ABHD6: variants seen among roughly 807,000 people sequenced by gnomAD.
ABHD6 encodes the protein abhydrolase domain containing 6, acylglycerol lipase, also known as monoacylglycerol lipase ABHD6.
ABHD6 carries 33 observed loss-of-function variants against 38.8 expected under a neutral mutation model. That is an observed-to-expected ratio of 0.85 (90% confidence interval 0.64 to 1.14). ABHD6 has a LOEUF of 1.14. ABHD6 is among the 50% of genes most tolerant of loss of function. The pLI is 0.00. For missense variants in ABHD6, 380 were observed against 422.6 expected (o/e 0.90, Z 0.88); for synonymous variants, 147 against 161.6 (o/e 0.91, Z 0.69).
In ABHD6 at chr3:58,271,167, A is replaced by G. The variant is rs963357839; in HGVS notation, c.523+103A>G. ...TTTTTTGGAATCATCTTTTTGATGTATGCTTGAGAGATATGCAGTGTTTTA... is the reference window on the plus strand; with the variant it reads ...TTTTTTGGAATCATCTTTTTGATGTGTGCTTGAGAGATATGCAGTGTTTTA... On this transcript the variant is annotated intron_variant, in intron 6 of 9. Transcript: ENST00000478253. The G allele has an allele frequency of 1.7e-5, 22 of 1,310,578 alleles. No homozygotes were observed. In the African/African-American group the frequency reaches 2.7e-4, roughly 16 times the overall value. 81.2% of individuals were successfully genotyped at this position (1,310,578 alleles called of 1,614,324 possible).
intron 3 of ABHD6, among the ~76,000 whole-genome samples, chr3:58,258,946 G>A (rs902834750): frequency 6.6e-6 from 1 of 152,354 alleles, no homozygotes; most frequent in East Asian, 1.9e-4. Flanking sequence ...TGCCCTTGCA[G>A]TGCTGGTAGC....
At chr3:58,239,010 G>A (rs2097420995) in intron 1 of ABHD6, among the ~76,000 whole-genome samples, 1 of 151,928 alleles carries the variant, frequency 6.6e-6, no homozygotes, top group Non-Finnish European at 1.5e-5. Flanking sequence ...CCTTGAGGTA[G>A]GTACCACCGC....
chr3:58,259,642 C>T lies in ABHD6; in HGVS notation c.119+2937C>T, dbSNP rs907465367. Among the ~76,000 whole-genome samples the T allele has an allele frequency of 6.6e-6, 1 of 152,180 alleles. No homozygotes were observed. Among genetic ancestry groups the T allele is most frequent in the Non-Finnish European group, 1.5e-5 (1 of 68,034 alleles). On this transcript the variant is annotated intron_variant, in intron 3 of 9. Coordinates refer to ENST00000478253, the MANE Select transcript of ABHD6 (RefSeq NM_001320126.2). The surrounding 1 kb of genome is among the most constrained non-coding windows in gnomAD (Gnocchi z 4.7). Reference sequence around the variant, plus strand: ...GTTGCAGTGAGCCGAGATCGTGCCACTACACTTCAGCCTGGGTGACAGAGA... The same window carrying T: ...GTTGCAGTGAGCCGAGATCGTGCCATTACACTTCAGCCTGGGTGACAGAGA...
At chr3:58,271,213 A>G in intron 6 of ABHD6, 149 bp downstream of exon 6, 1 of 850,114 alleles carries the variant, frequency 1.2e-6, no homozygotes, top group South Asian at 3.0e-5. Context: ...TAACCAACCA[A>G]TAGTTATATA....
chr3:58,294,010 A>G lies in ABHD6; in HGVS notation c.*245A>G. 2.5e-6 allele frequency: 1 copy of G among 393,814 alleles called. No individual in the cohort carries two copies. The highest frequency in any genetic ancestry group is 4.2e-5 in the East Asian group (1 of 23,676). The allele number at this position is 393,814 out of a possible 1,614,324, so 24.4% of individuals were successfully genotyped here. On this transcript the variant is annotated 3_prime_UTR_variant, in exon 10 of 10. Coordinates refer to ENST00000478253, the MANE Select transcript of ABHD6 (RefSeq NM_001320126.2). ...CAAAATAAGAAACCCCAGCCATGAA[A>G]TCTACCATGAAGTCTTCAAGTTCAT...
rs1170278089 is a variant in ABHD6 at position 58,251,031 on chromosome 3, G to A, written c.-26+1089G>A. On this transcript the variant is annotated intron_variant, in intron 2 of 9. Coordinates refer to ENST00000478253, the MANE Select transcript of ABHD6 (RefSeq NM_001320126.2). This position sits in a 1 kb window ranked among gnomAD's most constrained non-coding sequence, Gnocchi z 5.4. ...ATGCAATTACTGTCAGCAGAAATCA[G>A]TAAGTCGGCTAGGTGCAGAAGCTTG... Among the ~76,000 whole-genome samples the A allele has an allele frequency of 2.0e-5, 3 of 152,252 alleles. No individual in the cohort carries two copies. In the East Asian group the frequency reaches 5.8e-4, roughly 29 times the overall value.
chr3:58,253,845 G>A (rs935496071), intron 2 of ABHD6, among the ~76,000 whole-genome samples: 1 of 152,182 alleles, frequency 6.6e-6, no homozygotes, highest in Non-Finnish European at 1.5e-5. Context: ...CCCTGGGAAG[G>A]TGGCAGCTTT....
Position 58,274,759 on chromosome 3 carries a change from G to A in ABHD6, c.625G>A (p.Glu209Lys). 2 of 1,614,250 alleles carry A rather than the reference G, an allele frequency of 1.2e-6. No individual in the cohort carries two copies. The highest frequency in any genetic ancestry group is 4.5e-5 in the East Asian group (2 of 44,888). Residue 209 changes from glutamate to lysine, a missense_variant, in exon 7 of 10, where the codon GAG becomes AAG. Glu to Lys is a moderately conservative substitution (Grantham distance 56). Coordinates refer to ENST00000478253, the MANE Select transcript of ABHD6 (RefSeq NM_001320126.2). ...KIPLIPSTPE[E>K]MSEMLQLCSY... is the part of the protein sequence containing the mutation. The stretch of plus-strand genomic sequence containing the variant: ...TCCCTTGATCCCGTCTACCCCAGAA[G>A]AGATGAGTGAAATGCTTCAGCTCTG...
chr3:58,266,057 C>T lies in ABHD6; in HGVS notation c.120-1132C>T, dbSNP rs548474708. Among the ~76,000 whole-genome samples the T allele has an allele frequency of 2.0e-5, 3 of 152,322 alleles. No homozygotes were observed. The highest frequency in any genetic ancestry group is 4.4e-5 in the Non-Finnish European group (3 of 68,032). On this transcript the variant is annotated intron_variant, in intron 3 of 9. Transcript: ENST00000478253. The surrounding 1 kb of genome is among the most constrained non-coding windows in gnomAD (Gnocchi z 4.0). Reference sequence around the variant, plus strand: ...TGTTATGATTTAGAATTTTGAAATACGCTTGCCTTGCTGTAAGAAGAGCTT... The same window carrying T: ...TGTTATGATTTAGAATTTTGAAATATGCTTGCCTTGCTGTAAGAAGAGCTT...
At position 58,267,790 on chromosome 3, in the gene ABHD6, GC is replaced by G. The variant is rs2097442174; in HGVS notation, c.276+446del. Among the ~76,000 whole-genome samples the G allele has an allele frequency of 1.3e-5, 2 of 152,132 alleles. No homozygotes were observed. The highest frequency in any genetic ancestry group is 1.5e-5 in the Non-Finnish European group (1 of 68,026). ...TGGTTCAAGTCATATTAGAACTAATGCAGTGTGGCCTGGCACAGTGGCTCAT... is the reference window on the plus strand; with the variant it reads ...TGGTTCAAGTCATATTAGAACTAATGAGTGTGGCCTGGCACAGTGGCTCAT... On this transcript the variant is annotated intron_variant, in intron 4 of 9. Coordinates refer to ENST00000478253, the MANE Select transcript of ABHD6 (RefSeq NM_001320126.2). The surrounding 1 kb of genome is among the most constrained non-coding windows in gnomAD (Gnocchi z 4.3).
chr3:58,281,318 C>T (rs995973605), intron 7 of ABHD6, among the ~76,000 whole-genome samples: 6 of 152,234 alleles, frequency 3.9e-5, no homozygotes, highest in African/African-American at 1.4e-4. Context: ...GCCCCTCCCC[C>T]AGCCAGGCTG....
intron 2 of ABHD6, among the ~76,000 whole-genome samples, chr3:58,254,264 T>A (rs2097431757): frequency 6.6e-6 from 1 of 152,162 alleles, no homozygotes; most frequent in Non-Finnish European, 1.5e-5. Flanking sequence ...TGTGACAGGG[T>A]TGATGTGCTA....
Position 58,294,629 on chromosome 3 carries a change from GA to G in ABHD6, c.*866del, listed in dbSNP as rs1467760902. On this transcript the variant is annotated 3_prime_UTR_variant, in exon 10 of 10. Transcript: ENST00000478253. The stretch of plus-strand genomic sequence containing the variant: ...GGATGTAACATACTAGTTAGTTAAT[GA>G]ATTCTGTGAATTCTGTGAAGAGTAA... 1 of 152,508 alleles carries G rather than the reference GA, an allele frequency of 6.6e-6. No homozygotes were observed. Among genetic ancestry groups the G allele is most frequent in the Non-Finnish European group, 1.5e-5 (1 of 68,032 alleles). The allele number at this position is 152,508 out of a possible 1,614,324, so 9.4% of individuals were successfully genotyped here. A position where few individuals can be genotyped will look rare whatever the true frequency, so the allele number is the denominator to read the frequency against.
intron 1 of ABHD6, among the ~76,000 whole-genome samples, chr3:58,241,371 G>A (rs569240966): frequency 6.6e-6 from 1 of 152,278 alleles, no homozygotes; most frequent in African/African-American, 2.4e-5. Context: ...CCTGTGGCTG[G>A]ATGGGTTTGG....
chr3:58,284,990 G>A (rs2097455901), intron 7 of ABHD6, 95 bp from the exon 8 acceptor site: 1 of 1,152,808 alleles, frequency 8.7e-7, no homozygotes, highest in Non-Finnish European at 1.3e-6. Context: ...GCAATAAATT[G>A]CTGGACCTCA....
At chr3:58,283,136 T>C (rs2097454516) in intron 7 of ABHD6, among the ~76,000 whole-genome samples, 1 of 152,232 alleles carries the variant, frequency 6.6e-6, no homozygotes, top group Admixed American at 6.5e-5. Flanking sequence ...GCTCAGTTAA[T>C]AGATACGGCC....
At chr3:58,292,347 G>T (rs2097463846) in intron 9 of ABHD6, among the ~76,000 whole-genome samples, 1 of 152,220 alleles carries the variant, frequency 6.6e-6, no homozygotes, top group African/African-American at 2.4e-5. Context: ...TAAGGATGGG[G>T]AGGAGGGGCC....
rs1424170562 is a variant in ABHD6, at chr3:58,257,381, T to TTG, written c.119+677_119+678dup. ...TTTGGGTTTTTGTTTGGTTTTTTTTTTGAAACAGTCTCCCTCTGTCACCTA... is the reference window on the plus strand; with the variant it reads ...TTTGGGTTTTTGTTTGGTTTTTTTTTTGTGAAACAGTCTCCCTCTGTCACCTA... On this transcript the variant is annotated intron_variant, in intron 3 of 9. Coordinates refer to ENST00000478253, the MANE Select transcript of ABHD6 (RefSeq NM_001320126.2). The surrounding 1 kb of genome is among the most constrained non-coding windows in gnomAD (Gnocchi z 4.8). Among the ~76,000 whole-genome samples, 1 of 62,552 alleles carries TTG rather than the reference T, an allele frequency of 1.6e-5. No individual in the cohort carries two copies. The highest frequency in any genetic ancestry group is 1.3e-4 in the African/African-American group (1 of 7,654). The allele number at this position is 62,552 out of a possible 152,430, so 41.0% of individuals were successfully genotyped here. A position where few individuals can be genotyped will look rare whatever the true frequency, so the allele number is the denominator to read the frequency against.
intron 2 of ABHD6, among the ~76,000 whole-genome samples, chr3:58,252,620 G>C (rs2097430803): frequency 6.6e-6 from 1 of 152,182 alleles, no homozygotes; most frequent in Non-Finnish European, 1.5e-5. Context: ...CTAATGCTGT[G>C]TACCCCTGAA....
Sources: allele counts gnomAD v4.1 joint callset (sites outside exome capture counted in the v4.1 genomes callset), GRCh38; gene constraint gnomAD v4.1.1; non-coding constraint Gnocchi (gnomAD v3.1); transcripts MANE v1.5; gene names NCBI Gene and HGNC (gene_info 2026-07-23, HGNC 2026-07-21).